Variants in GRM7 observed in about 807,000 individuals in gnomAD.
GRM7 encodes metabotropic glutamate receptor 7.
Under a neutral mutation model 84.5 loss-of-function variants are expected in GRM7, and 35 were observed. The observed-to-expected ratio is 0.41, with a 90% CI of 0.32 to 0.55. The LOEUF (loss-of-function observed/expected upper bound fraction) is 0.55, where lower values mean the gene tolerates loss of function less well. Among genes scored for constraint, GRM7 ranks in the 20% least tolerant of loss-of-function variants. The probability of loss-of-function intolerance (pLI) is 0.19; values close to 1 mark genes in which losing one functional copy is unlikely to be tolerated. For synonymous variants in GRM7, 487 were observed against 455.1 expected (o/e 1.07, Z -0.89); for missense variants, 1,003 against 1,194.6 (o/e 0.84, Z 2.36).
chr3:6,938,183 T>C (rs1393353726), intron 1 of GRM7, among the ~76,000 whole-genome samples: 4 of 152,230 alleles, frequency 2.6e-5, no homozygotes, highest in Admixed American at 2.6e-4. Flanking sequence ...ATTAGATTGT[T>C]CCCCTTCATT....
chr3:7,568,280 A>G (rs563322075), intron 7 of GRM7, among the ~76,000 whole-genome samples: 1 of 151,986 alleles, frequency 6.6e-6, no homozygotes, highest in Admixed American at 6.5e-5. Context: ...CTGTTTTCAC[A>G]CTGCTGATAA....
Position 7,548,409 on chromosome 3 carries a change from C to G in GRM7, c.1516-30013C>G, listed in dbSNP as rs983676307. On this transcript the variant is annotated intron_variant, in intron 7 of 9. Transcript: ENST00000357716. The stretch of plus-strand genomic sequence containing the variant: ...CCAAGCAGGTGCTAGTGCCCTGCTT[C>G]TGGTATAGCCTACAGAATGATGGGC... Among the ~76,000 whole-genome samples, 10 of 152,204 alleles carry G rather than the reference C, an allele frequency of 6.6e-5. No individual in the cohort carries two copies. In the East Asian group the frequency reaches 1.9e-3, roughly 29 times the overall value.
At chr3:7,516,476 CAAAAAAAAAAAAAAA>C (rs34508559) in intron 7 of GRM7, among the ~76,000 whole-genome samples, 19 of 42,474 alleles carry the variant, frequency 4.5e-4, no homozygotes, top group South Asian at 1.4e-3. Context: ...GACTCCCTCT[CAAAAAAAAAAAAAAA>C]AAAAAAAAAA....
intron 3 of GRM7, among the ~76,000 whole-genome samples, chr3:7,299,462 T>C (rs2125022810): frequency 6.6e-6 from 1 of 152,260 alleles, no homozygotes; most frequent in Non-Finnish European, 1.5e-5. Flanking sequence ...AGAATATTTA[T>C]TTTTGTAATC....
Position 7,570,194 on chromosome 3 carries a change from C to A in GRM7, c.1516-8228C>A, listed in dbSNP as rs558143237. Among the ~76,000 whole-genome samples, 11 of 152,200 alleles carry A rather than the reference C, an allele frequency of 7.2e-5. 1 individual carries two copies. The highest frequency in any genetic ancestry group is 6.8e-3 in the Middle Eastern group (2 of 294). ...ATACAGCCAAACCATATCATTCCACCCCTGGCCCCTCCCAAATCTCATGTC... is the reference window on the plus strand; with the variant it reads ...ATACAGCCAAACCATATCATTCCACACCTGGCCCCTCCCAAATCTCATGTC... On this transcript the variant is annotated intron_variant, in intron 7 of 9. Coordinates refer to ENST00000357716, the MANE Select transcript of GRM7 (RefSeq NM_000844.4).
chr3:7,707,917 T>A (rs936899227), intron 9 of GRM7, among the ~76,000 whole-genome samples: 1 of 150,176 alleles, frequency 6.7e-6, no homozygotes, highest in African/African-American at 2.5e-5. Flanking sequence ...AACATATTGC[T>A]GTGAAGCTTT....
chr3:7,672,461 T>C (rs9838296), intron 8 of GRM7, among the ~76,000 whole-genome samples: 17,136 of 152,206 alleles, frequency 0.11, 1,683 homozygotes, highest in African/African-American at 0.27. Flanking sequence ...TTCATAAGAA[T>C]TGTGAAACTT....
At chr3:7,236,366 C>T (rs1489026484) in intron 2 of GRM7, among the ~76,000 whole-genome samples, 2 of 152,268 alleles carry the variant, frequency 1.3e-5, no homozygotes, top group South Asian at 2.1e-4. Flanking sequence ...AAAGATGTTA[C>T]TATTTTCTCC....
Position 7,279,029 on chromosome 3 carries a change from T to C in GRM7, c.737-19655T>C, listed in dbSNP as rs1396493576. 5.3e-5 allele frequency among the ~76,000 whole-genome samples: 8 copies of C among 152,320 alleles called. No individual in the cohort carries two copies. In the South Asian group the frequency reaches 8.3e-4, roughly 16 times the overall value. On this transcript the variant is annotated intron_variant, in intron 2 of 9. Transcript: ENST00000357716. ...ACCTTGAGAATTTATGACTCTAATATCCACTTTGGTGTGAATATTGAATAA... is the reference window on the plus strand; with the variant it reads ...ACCTTGAGAATTTATGACTCTAATACCCACTTTGGTGTGAATATTGAATAA...
chr3:7,053,728 C>A (rs1697099096), intron 1 of GRM7, among the ~76,000 whole-genome samples: 1 of 151,060 alleles, frequency 6.6e-6, no homozygotes, highest in Non-Finnish European at 1.5e-5. Flanking sequence ...ATCTATATGT[C>A]TGTTTCTACA....
At chr3:7,041,876 G>C (rs569352999) in intron 1 of GRM7, among the ~76,000 whole-genome samples, 356 of 152,296 alleles carry the variant, frequency 2.3e-3, no homozygotes, top group African/African-American at 8.3e-3. Context: ...GGAGGGGCAA[G>C]GGGGCAGAAG....
At position 7,117,593 on chromosome 3, in the gene GRM7, C is replaced by T. The variant is rs559142030; in HGVS notation, c.520-28859C>T. Among the ~76,000 whole-genome samples the T allele has an allele frequency of 4.1e-4, 63 of 152,274 alleles. 1 individual carries two copies. The highest frequency in any genetic ancestry group is 8.4e-4 in the Non-Finnish European group (57 of 68,008). Reference sequence around the variant, plus strand: ...AGAAGACTTGCACTTGAGTCCAATGCCTACCATCAGTTATCCTCATGCTCT... The same window carrying T: ...AGAAGACTTGCACTTGAGTCCAATGTCTACCATCAGTTATCCTCATGCTCT... On this transcript the variant is annotated intron_variant, in intron 1 of 9. Transcript: ENST00000357716.
At chr3:6,875,661 G>A (rs1574955054) in intron 1 of GRM7, among the ~76,000 whole-genome samples, 1 of 152,128 alleles carries the variant, frequency 6.6e-6, no homozygotes, top group Non-Finnish European at 1.5e-5. Flanking sequence ...TCTTTATCAA[G>A]CCTACACATT....
intron 9 of GRM7, among the ~76,000 whole-genome samples, chr3:7,690,581 C>G (rs1157883829): frequency 6.6e-6 from 1 of 152,060 alleles, no homozygotes; most frequent in Non-Finnish European, 1.5e-5. Context: ...GTGTCAGTGC[C>G]ACATCTCAGC....
rs574657830 is a variant in GRM7 at position 7,707,701 on chromosome 3, C to A, written c.2698+27406C>A. Among the ~76,000 whole-genome samples the A allele has an allele frequency of 7.2e-5, 11 of 152,290 alleles. No individual in the cohort carries two copies. The South Asian group carries it at 2.3e-3, about 32-fold the overall frequency. On this transcript the variant is annotated intron_variant, in intron 9 of 9. Transcript: ENST00000357716. ...CCAAAATCTCTTAGGCCAGATGCCTCCAAAACAGCCCCAGGAACTAGTCTA... is the reference window on the plus strand; with the variant it reads ...CCAAAATCTCTTAGGCCAGATGCCTACAAAACAGCCCCAGGAACTAGTCTA...
chr3:7,410,676 ACAC>A (rs2125173241), intron 4 of GRM7, among the ~76,000 whole-genome samples: 1 of 151,894 alleles, frequency 6.6e-6, no homozygotes, highest in Non-Finnish European at 1.5e-5. Context: ...ACACACACAC[ACAC>A]GCACATTTTG....
chr3:7,488,623 C>T (rs370973012), intron 7 of GRM7, among the ~76,000 whole-genome samples: 3 of 152,290 alleles, frequency 2.0e-5, no homozygotes, highest in South Asian at 4.1e-4. Flanking sequence ...ATGAGGCCCC[C>T]GCCAACAGGC....
chr3:6,990,736 C>A (rs1296867186), intron 1 of GRM7, among the ~76,000 whole-genome samples: 1 of 152,174 alleles, frequency 6.6e-6, no homozygotes, highest in Non-Finnish European at 1.5e-5. Context: ...GTTCTTTCTG[C>A]AGGATTTGCT....
intron 5 of GRM7, among the ~76,000 whole-genome samples, chr3:7,434,384 C>G (rs1199277615): frequency 6.6e-6 from 1 of 152,102 alleles, no homozygotes; most frequent in Non-Finnish European, 1.5e-5. Flanking sequence ...TAACGTAAAT[C>G]AGTCTGGCAT....
Sources: gnomAD v4.1 joint callset for allele counts (sites outside exome capture counted in the v4.1 genomes callset) on GRCh38, gnomAD v4.1.1 for gene constraint, MANE v1.5 for transcripts, NCBI Gene and HGNC (gene_info 2026-07-23, HGNC 2026-07-21) for gene names.